The following SUFU variants were observed in gnomAD, a reference collection of about 807,000 sequenced individuals.
The protein encoded by SUFU is SUFU negative regulator of hedgehog signaling.
SUFU carries 7 observed loss-of-function variants against 58.9 expected under a neutral mutation model. That is an observed-to-expected ratio of 0.12 (90% CI 0.07 to 0.22). The LOEUF (loss-of-function observed/expected upper bound fraction) is 0.22. Among genes scored for constraint, SUFU ranks in the 10% least tolerant of loss-of-function variants. The pLI, the probability that SUFU is intolerant of heterozygous loss-of-function variation, is 1.00. For synonymous variants in SUFU, 232 were observed against 254.8 expected (o/e 0.91, Z 0.85); for missense variants, 451 against 641.3 (o/e 0.70, Z 3.20).
chr10:102,519,016 C>T (rs891820179), intron 2 of SUFU, among the ~76,000 whole-genome samples: 2 of 151,510 alleles, frequency 1.3e-5, no homozygotes, highest in Non-Finnish European at 2.9e-5. Context: ...TGGCAGGCGC[C>T]TGTAGTCCCA....
chr10:102,518,749 G>A (rs1341569648), intron 2 of SUFU, among the ~76,000 whole-genome samples: 1 of 151,782 alleles, frequency 6.6e-6, no homozygotes, highest in Admixed American at 6.6e-5. Context: ...GTTTTGCCAT[G>A]TTGCCCAGGC....
intron 8 of SUFU, among the ~76,000 whole-genome samples, chr10:102,609,371 A>G (rs931199936): frequency 6.6e-6 from 1 of 152,210 alleles, no homozygotes; most frequent in African/African-American, 2.4e-5. Flanking sequence ...TGTAGAGAAT[A>G]CTTCACACAA....
At chr10:102,521,148 T>G (rs1436991509) in intron 2 of SUFU, among the ~76,000 whole-genome samples, 1 of 152,244 alleles carries the variant, frequency 6.6e-6, no homozygotes, top group African/African-American at 2.4e-5. Flanking sequence ...TTGTCTGTTT[T>G]TTGGATTTTA....
chr10:102,543,821 C>T (rs1394860815), intron 2 of SUFU, among the ~76,000 whole-genome samples: 1 of 152,152 alleles, frequency 6.6e-6, no homozygotes, highest in Non-Finnish European at 1.5e-5. Flanking sequence ...TGTTTAATCC[C>T]CAATAACAAC....
intron 3 of SUFU, among the ~76,000 whole-genome samples, chr10:102,585,767 C>T (rs2063329729): frequency 6.6e-6 from 1 of 152,110 alleles, no homozygotes. Flanking sequence ...GATCCTCTCA[C>T]CTTGGCCTCC....
At chr10:102,620,226 C>T (rs1428744809) in intron 10 of SUFU, among the ~76,000 whole-genome samples, 1 of 152,234 alleles carries the variant, frequency 6.6e-6, no homozygotes, top group Non-Finnish European at 1.5e-5. Context: ...GCACCTTGTT[C>T]TGGCCACCAG....
At chr10:102,537,578 C>G (rs1387879322) in intron 2 of SUFU, among the ~76,000 whole-genome samples, 1 of 152,142 alleles carries the variant, frequency 6.6e-6, no homozygotes, top group Non-Finnish European at 1.5e-5. Context: ...TCCTCCAAAC[C>G]CTGGCAACCA....
intron 2 of SUFU, among the ~76,000 whole-genome samples, chr10:102,524,552 C>T (rs1364811951): frequency 6.6e-6 from 1 of 152,054 alleles, no homozygotes; most frequent in Non-Finnish European, 1.5e-5. Flanking sequence ...TCTCAAACTC[C>T]TCAAGTGATC....
intron 2 of SUFU, among the ~76,000 whole-genome samples, chr10:102,517,399 C>A (rs1048086306): frequency 1.3e-5 from 2 of 152,164 alleles, no homozygotes; most frequent in African/African-American, 4.8e-5. Flanking sequence ...TGGGAAAGTT[C>A]CTTCTCTTCC....
chr10:102,559,307 CAGAAAA>C (rs2063011261), intron 3 of SUFU, among the ~76,000 whole-genome samples: 1 of 152,156 alleles, frequency 6.6e-6, no homozygotes, highest in African/African-American at 2.4e-5. Context: ...CAGGAAAAGG[CAGAAAA>C]CCAAAATTGG....
intron 3 of SUFU, among the ~76,000 whole-genome samples, chr10:102,556,451 T>C (rs2062978273): frequency 6.6e-6 from 1 of 152,120 alleles, no homozygotes; most frequent in African/African-American, 2.4e-5. Context: ...CTTCTAGTTA[T>C]AAGAAAATGG....
intron 10 of SUFU, among the ~76,000 whole-genome samples, chr10:102,624,947 T>C (rs999784721): frequency 2.6e-5 from 4 of 152,140 alleles, no homozygotes; most frequent in African/African-American, 9.7e-5. Flanking sequence ...CCCTCCAAGT[T>C]ATTTGTGAGT....
chr10:102,535,416 G>C (rs2062725676), intron 2 of SUFU, among the ~76,000 whole-genome samples: 1 of 151,684 alleles, frequency 6.6e-6, no homozygotes, highest in Non-Finnish European at 1.5e-5. Context: ...AACCTGGGAG[G>C]TGGAGGTTGC....
intron 8 of SUFU, among the ~76,000 whole-genome samples, chr10:102,612,775 G>A (rs771502149): frequency 2.6e-5 from 4 of 152,144 alleles, no homozygotes; most frequent in East Asian, 1.9e-4. Context: ...TGGTCCTTTC[G>A]CTTAAACTCA....
At chr10:102,580,074 C>A (rs1293173349) in intron 3 of SUFU, among the ~76,000 whole-genome samples, 2 of 119,492 alleles carry the variant, frequency 1.7e-5, no homozygotes, top group Non-Finnish European at 3.3e-5. Context: ...TTTTTTCTTT[C>A]TTAAAGAGAG....
intron 10 of SUFU, among the ~76,000 whole-genome samples, chr10:102,626,891 C>T (rs1346406154): frequency 6.6e-6 from 1 of 152,204 alleles, no homozygotes; most frequent in East Asian, 1.9e-4. Context: ...GTGTTCATCT[C>T]CCTTCTGGGA....
intron 10 of SUFU, among the ~76,000 whole-genome samples, chr10:102,622,823 GAAAA>G (rs59430798): frequency 1.6e-5 from 2 of 124,536 alleles, no homozygotes; most frequent in South Asian, 2.5e-4. Context: ...CGTCTCAGAA[GAAAA>G]AAAAAAAAAA....
At chr10:102,573,302 C>A in intron 3 of SUFU, 1 of 565,822 alleles carries the variant, frequency 1.8e-6, no homozygotes, top group Non-Finnish European at 3.2e-6. Flanking sequence ...TGGCTACTAT[C>A]AAAAAAAGAA....
intron 2 of SUFU, among the ~76,000 whole-genome samples, chr10:102,539,373 A>G (rs1450873247): frequency 6.6e-6 from 1 of 152,226 alleles, no homozygotes; most frequent in African/African-American, 2.4e-5. Context: ...CTTAGTGATC[A>G]TATCAGGAGG....
Sources: gnomAD v4.1 joint callset for allele counts (sites outside exome capture counted in the v4.1 genomes callset) on GRCh38, gnomAD v4.1.1 for gene constraint, MANE v1.5 for transcripts, NCBI Gene and HGNC (gene_info 2026-07-23, HGNC 2026-07-21) for gene names.